Variants in SPTBN2 observed in about 807,000 individuals in gnomAD.
The protein encoded by SPTBN2 is spectrin beta, non-erythrocytic 2, also known as spectrin beta chain, non-erythrocytic 2.
A neutral mutation model predicts 284.2 loss-of-function variants in SPTBN2; 107 were observed. The ratio of observed to expected loss-of-function variants is 0.38; its 90% CI spans 0.32 to 0.44. The LOEUF (loss-of-function observed/expected upper bound fraction) is 0.44, where lower values mean the gene tolerates loss of function less well. Ranked by LOEUF, SPTBN2 falls within the 20% of genes least tolerant of loss-of-function variation. The pLI is 1.00. For missense variants in SPTBN2, 2,569 were observed against 3,287.1 expected, an observed-to-expected ratio of 0.78 and a Z score of 5.34; for synonymous variants, 1,289 against 1,354.8, an observed-to-expected ratio of 0.95 and a Z score of 1.07.
At chr11:66,717,421 G>C (rs1254281207) in intron 3 of SPTBN2, among the ~76,000 whole-genome samples, 1 of 152,032 alleles carries the variant, frequency 6.6e-6, no homozygotes, top group Non-Finnish European at 1.5e-5. Context: ...TCAGAAACCG[G>C]AAAGACTCAT....
At chr11:66,702,919 C>CA (rs1941322220) in intron 15 of SPTBN2, among the ~76,000 whole-genome samples, 1 of 86,740 alleles carries the variant, frequency 1.2e-5, no homozygotes. Flanking sequence ...GCCTGGGGGA[C>CA]AGAGCAAGAC....
chr11:66,689,267 A>ATTTC (rs140939152), intron 29 of SPTBN2, 87 bp from the exon 30 acceptor site: 39 of 1,335,612 alleles, frequency 2.9e-5, no homozygotes, highest in African/African-American at 2.9e-4. Flanking sequence ...GGGACAGGTG[A>ATTTC]TTTCTTTCTT....
chr11:66,724,868 C>T (rs1417878930), intron 1 of SPTBN2, among the ~76,000 whole-genome samples: 1 of 152,208 alleles, frequency 6.6e-6, no homozygotes, highest in Non-Finnish European at 1.5e-5. Flanking sequence ...CTTTCCAGAA[C>T]CAGAGACTGC....
At chr11:66,733,579 G>GGA (rs1348483871), upstream of SPTBN2, among the ~76,000 whole-genome samples, 1 of 152,212 alleles carries the variant, frequency 6.6e-6, no homozygotes, top group Non-Finnish European at 1.5e-5. Flanking sequence ...CCAATCAAGT[G>GGA]GAGATATTGA....
rs773385876 is a variant in SPTBN2, at chr11:66,692,791, C to G, written c.4986-51G>C. 4 of 1,598,828 alleles carry G rather than the reference C, an allele frequency of 2.5e-6. No homozygotes were observed. The Admixed American group carries it at 6.7e-5, about 27-fold the overall frequency. On this transcript the variant is annotated intron_variant, in intron 25 of 37. Transcript: ENST00000533211. ...GTGGGACTTAGGGGTGTAGCTCTGA[C>G]CTCCGGTCTGTTCTGTGGAGCCCTG...
At chr11:66,729,871 G>A (rs1373345364), upstream of SPTBN2, among the ~76,000 whole-genome samples, 3 of 152,070 alleles carry the variant, frequency 2.0e-5, no homozygotes, top group Non-Finnish European at 4.4e-5. Context: ...GCTTGATCTC[G>A]GCTCACTGCA....
intron 17 of SPTBN2, among the ~76,000 whole-genome samples, chr11:66,699,950 C>T (rs1941146361): frequency 1.3e-5 from 2 of 151,916 alleles, no homozygotes; most frequent in Admixed American, 1.3e-4. Context: ...TCTCATTTTT[C>T]CTTCTTTTTT....
chr11:66,738,523 AT>A (rs946493682), intron 1 of SPTBN2, among the ~76,000 whole-genome samples: 1 of 152,092 alleles, frequency 6.6e-6, no homozygotes, highest in African/African-American at 2.4e-5. Flanking sequence ...TTTTTAAATT[AT>A]TATTATTTTT....
intron 1 of SPTBN2, among the ~76,000 whole-genome samples, chr11:66,727,738 G>A (rs1347834104): frequency 6.6e-6 from 1 of 152,096 alleles, no homozygotes. Context: ...CGGCTCCGGG[G>A]AGGAGGGAGC....
intron 1 of SPTBN2, chr11:66,744,419 T>C (rs1345493390): frequency 2.6e-5 from 4 of 156,828 alleles, no homozygotes; most frequent in Non-Finnish European, 1.4e-5. Flanking sequence ...GAGGGAAGGG[T>C]CCTGGAAAGC....
chr11:66,697,547 C>T (rs1032770723), intron 20 of SPTBN2, among the ~76,000 whole-genome samples: 1 of 152,178 alleles, frequency 6.6e-6, no homozygotes, highest in Non-Finnish European at 1.5e-5. Context: ...ACAGGCACTG[C>T]CTACCACTGG....
At chr11:66,740,618 C>T (rs1942889342) in intron 1 of SPTBN2, among the ~76,000 whole-genome samples, 1 of 152,122 alleles carries the variant, frequency 6.6e-6, no homozygotes, top group African/African-American at 2.4e-5. Context: ...TCACCTGGGA[C>T]CTGCTCCATT....
rs1399903753 is a variant in SPTBN2, at chr11:66,698,636, C to T, written c.4014+3G>A. 3.1e-6 allele frequency: 5 copies of T among 1,614,040 alleles called. No individual in the cohort carries two copies. Among genetic ancestry groups the T allele is most frequent in the African/African-American group, 1.3e-5 (1 of 74,950 alleles). ...CAGAGGCAGCCCCCACAGCACTGCTCACCTTGTCCACCTTGTCCAGCCAGT... is the reference window on the plus strand; with the variant it reads ...CAGAGGCAGCCCCCACAGCACTGCTTACCTTGTCCACCTTGTCCAGCCAGT... On this transcript the variant is annotated splice_donor_region_variant and intron_variant, in intron 20 of 37. Transcript: ENST00000533211.
Position 66,707,392 on chromosome 11 carries a change from G to A in SPTBN2, c.1653+124C>T, listed in dbSNP as rs1356540723. ...TGTTTACTTTGTTCCCTGCAACTGG[G>A]GACAGGGCCCTGTGCTGGTTCACAC... On this transcript the variant is annotated intron_variant, in intron 13 of 37. Transcript: ENST00000533211. The surrounding 1 kb of genome is among the most constrained non-coding windows in gnomAD (Gnocchi z 4.9). The A allele has an allele frequency of 1.1e-5, 11 of 1,036,258 alleles. No homozygotes were observed. Among genetic ancestry groups the A allele is most frequent in the African/African-American group, 1.6e-5 (1 of 62,918 alleles). 64.2% of individuals were successfully genotyped at this position (1,036,258 alleles called of 1,614,324 possible).
chr11:66,689,287 T>C lies in SPTBN2; in HGVS notation c.5950-107A>G, dbSNP rs182919895. On this transcript the variant is annotated intron_variant, in intron 29 of 37. Transcript: ENST00000533211. ...AGGTGATTTCTTTCTTTCTTTCTTT[T>C]TTTTGAGACGGAGTTTCGCTCTTAT... The C allele has an allele frequency of 1.3e-4, 159 of 1,267,196 alleles. 2 individuals carry two copies. The East Asian group carries it at 2.5e-3, about 20-fold the overall frequency. 78.5% of individuals were successfully genotyped at this position (1,267,196 alleles called of 1,614,324 possible). A position where few individuals can be genotyped will look rare whatever the true frequency, so the allele number is the denominator to read the frequency against.
At position 66,691,323 on chromosome 11, in the gene SPTBN2, G is replaced by A; in HGVS notation, c.5526C>T (p.His1842=). ...CCTGAATGTCATGCTCGTAGGCACA[G>A]TGTCGGCGCTGCAGGGCCTCGGCAG... The part of the protein sequence containing the change: ...LNAAEALQRR[H]CAYEHDIQAL... Residue 1842 remains histidine, a synonymous_variant, in exon 27 of 38, where the codon CAC becomes CAT. Coordinates refer to ENST00000533211, the MANE Select transcript of SPTBN2 (RefSeq NM_006946.4). The surrounding 1 kb of genome is among the most constrained non-coding windows in gnomAD (Gnocchi z 8.0). The A allele has an allele frequency of 2.6e-6, 4 of 1,552,576 alleles. No individual in the cohort carries two copies. Among genetic ancestry groups the A allele is most frequent in the Non-Finnish European group, 3.5e-6 (4 of 1,145,388 alleles).
chr11:66,733,643 A>C (rs144702938), upstream of SPTBN2, among the ~76,000 whole-genome samples: 52 of 152,250 alleles, frequency 3.4e-4, no homozygotes, highest in Admixed American at 1.3e-4. Context: ...GACTTAAGAT[A>C]CCCATTTGGA....
intron 20 of SPTBN2, among the ~76,000 whole-genome samples, chr11:66,697,031 A>C (rs1439874246): frequency 6.6e-6 from 1 of 152,152 alleles, no homozygotes; most frequent in African/African-American, 2.4e-5. Context: ...TGGAAGAGCC[A>C]CAGAGTTAAC....
chr11:66,701,698 A>T lies in SPTBN2; in HGVS notation c.2702T>A (p.Met901Lys). The change falls in exon 16 of 38, where the codon ATG becomes AAG. Residue 901 changes from methionine (M) to lysine (K), a missense_variant. This residue lies in a region of SPTBN2 where 1,012 missense variants were observed against 1,248.9 expected (regional missense o/e 0.81). Transcript: ENST00000533211. Reference sequence around the variant, plus strand: ...GGTGATTTGTGCTGCAAGGGTGTTCATTTCAGGCTCCAGGGTCTCGAACCT... The same window carrying T: ...GGTGATTTGTGCTGCAAGGGTGTTCTTTTCAGGCTCCAGGGTCTCGAACCT... The part of the protein sequence containing the change: ...QQRFETLEPE[M>K]NTLAAQITAV... 6.2e-7 allele frequency: 1 copy of T among 1,614,018 alleles called. No individual in the cohort carries two copies. Among genetic ancestry groups the T allele is most frequent in the Non-Finnish European group, 8.5e-7 (1 of 1,180,006 alleles).
Sources: gnomAD v4.1 joint callset for allele counts (sites outside exome capture counted in the v4.1 genomes callset) on GRCh38, gnomAD v4.1.1 for gene constraint, gnomAD v4.1.1 regional missense constraint, Gnocchi (gnomAD v3.1) non-coding constraint, MANE v1.5 for transcripts, NCBI Gene and HGNC (gene_info 2026-07-23, HGNC 2026-07-21) for gene names.